Variants in AEN observed in about 807,000 individuals in gnomAD.
The protein encoded by AEN is apoptosis enhancing nuclease, also known as apoptosis-enhancing nuclease.
A neutral mutation model predicts 17.7 loss-of-function variants in AEN; 21 were observed. The ratio of observed to expected loss-of-function variants is 1.19; its 90% CI spans 0.84 to 1.71. The LOEUF (loss-of-function observed/expected upper bound fraction) is 1.71. Among genes scored for constraint, AEN ranks in the 40% most tolerant of loss-of-function variants. AEN has a pLI of 0.00. For missense variants in AEN, 462 were observed against 435.9 expected (o/e 1.06, Z -0.53); for synonymous variants, 190 against 173.0 (o/e 1.10, Z -0.77).
chr15:88,609,417 C>G, the AEN span, among the ~76,000 whole-genome samples: 1 of 152,174 alleles, frequency 6.6e-6, no homozygotes, highest in Non-Finnish European at 1.5e-5. Context: ...TTCATATTCC[C>G]TAGCCCTCTT....
chr15:88,626,463 G>A lies in AEN; in HGVS notation c.254G>A (p.Arg85Lys). The A allele has an allele frequency of 6.2e-7, 1 of 1,613,968 alleles. No individual in the cohort carries two copies. The highest frequency in any genetic ancestry group is 1.1e-5 in the South Asian group (1 of 91,078). ...GCCAGCAGTGGGAAGCAGTGTCTGAGGGCTGGATCTGGCAGTGCCCCATGC... is the reference window on the plus strand; with the variant it reads ...GCCAGCAGTGGGAAGCAGTGTCTGAAGGCTGGATCTGGCAGTGCCCCATGC... ...EAASSGKQCL[R>K]AGSGSAPCSR... is the part of the protein sequence containing the mutation. The change falls in exon 2 of 4, where the codon AGG (arginine) becomes AAG (lysine). Residue 85 changes from arginine (R) to lysine (K), a missense_variant. By Grantham distance (26) the Arg-to-Lys change is conservative. Transcript: ENST00000332810.
chr15:88,617,771 A>G (rs766038305), upstream of AEN, among the ~76,000 whole-genome samples: 2 of 152,146 alleles, frequency 1.3e-5, no homozygotes, highest in Non-Finnish European at 2.9e-5. Flanking sequence ...TAGACCGGAT[A>G]CAGATAGCCC....
chr15:88,624,546 T>C (rs1051820039), intron 1 of AEN, among the ~76,000 whole-genome samples: 1 of 152,212 alleles, frequency 6.6e-6, no homozygotes, highest in Non-Finnish European at 1.5e-5. Context: ...AGGATCATTT[T>C]ACATGCCTGA....
intron 1 of AEN, among the ~76,000 whole-genome samples, chr15:88,625,460 A>G (rs1442974634): frequency 6.6e-6 from 1 of 152,198 alleles, no homozygotes; most frequent in Admixed American, 6.5e-5. Context: ...AGCTGTGATC[A>G]CGCCACTGCA....
At position 88,629,327 on chromosome 15, in the gene AEN, G is replaced by A. The variant is rs3743475; in HGVS notation, c.642G>A (p.Thr214=). The change falls in exon 3 of 4, where the codon ACG becomes ACA. Residue 214 remains threonine (T), a synonymous_variant. Coordinates refer to ENST00000332810, the MANE Select transcript of AEN (RefSeq NM_022767.4). ...ACCCTCGGAGCCAGACCCGGGATAC[G>A]ACCTATGTCCCAAACTTCCTCAGCG... The part of the protein sequence containing the change: ...YVHPRSQTRD[T]TYVPNFLSEP... 3 of 1,613,934 alleles carry A rather than the reference G, an allele frequency of 1.9e-6. No individual in the cohort carries two copies. The highest frequency in any genetic ancestry group is 2.2e-5 in the South Asian group (2 of 91,074).
At chr15:88,616,652 T>G (rs1221795312), upstream of AEN, among the ~76,000 whole-genome samples, 1 of 152,250 alleles carries the variant, frequency 6.6e-6, no homozygotes, top group Admixed American at 6.5e-5. Flanking sequence ...AATGTAAGTA[T>G]AGATGGTCCC....
upstream of AEN, among the ~76,000 whole-genome samples, chr15:88,617,804 T>C (rs1213489628): frequency 6.6e-6 from 1 of 151,578 alleles, no homozygotes; most frequent in African/African-American, 2.4e-5. Flanking sequence ...GCCTCATAAG[T>C]GACTAGCTGA....
chr15:88,607,909 G>A, the AEN span, among the ~76,000 whole-genome samples: 3 of 152,258 alleles, frequency 2.0e-5, no homozygotes, highest in East Asian at 5.8e-4. Flanking sequence ...GACCAGACCA[G>A]ACAGCTGGTC....
upstream of AEN, among the ~76,000 whole-genome samples, chr15:88,620,395 G>C (rs1462754934): frequency 1.3e-5 from 2 of 151,802 alleles, no homozygotes; most frequent in African/African-American, 4.8e-5. Flanking sequence ...ATGTTACACT[G>C]AATTTTCTTT....
intron 1 of AEN, chr15:88,621,840 G>A (rs1226470180): frequency 1.3e-5 from 2 of 152,226 alleles, no homozygotes; most frequent in Non-Finnish European, 2.9e-5. Flanking sequence ...TGGCTTGAGG[G>A]TAGGGGTCGT....
upstream of AEN, among the ~76,000 whole-genome samples, chr15:88,617,787 C>G (rs1393035577): frequency 6.6e-6 from 1 of 152,152 alleles, no homozygotes; most frequent in African/African-American, 2.4e-5. Flanking sequence ...AGCCCCAATT[C>G]CCATTTGCCT....
In AEN at chr15:88,631,333, G is replaced by A; in HGVS notation, c.*1039G>A. ...CCGAACCTGGTCTGATGCCCCCTCA[G>A]CTCTTTGACAATCACTGTGGCTGTT... On this transcript the variant is annotated 3_prime_UTR_variant, in exon 4 of 4. Transcript: ENST00000332810. 1 of 290,140 alleles carries A rather than the reference G, an allele frequency of 3.4e-6. No homozygotes were observed. The highest frequency in any genetic ancestry group is 8.2e-5 in the East Asian group (1 of 12,136). 18.0% of individuals were successfully genotyped at this position (290,140 alleles called of 1,614,324 possible).
chr15:88,611,811 C>T, the AEN span: 1 of 493,784 alleles, frequency 2.0e-6, no homozygotes, highest in Non-Finnish European at 4.1e-6. Context: ...CCTCGAACGC[C>T]TTGCAGAACT....
rs1379259632 is a variant in AEN, at chr15:88,631,183, G to A, written c.*889G>A. 6.6e-6 allele frequency: 3 copies of A among 456,628 alleles called. No homozygotes were observed. The highest frequency in any genetic ancestry group is 7.0e-5 in the East Asian group (1 of 14,388). The allele number at this position is 456,628 out of a possible 1,614,324, so 28.3% of individuals were successfully genotyped here. On this transcript the variant is annotated 3_prime_UTR_variant, in exon 4 of 4. Coordinates refer to ENST00000332810, the MANE Select transcript of AEN (RefSeq NM_022767.4). The stretch of plus-strand genomic sequence containing the variant: ...TTCTGGGGCCTTTGTGTAGGATTGT[G>A]CCTGACCTTTATTTATTTATTAACA...
chr15:88,607,606 C>T, the AEN span, among the ~76,000 whole-genome samples: 1 of 152,190 alleles, frequency 6.6e-6, no homozygotes. Context: ...TATTACTTGA[C>T]AACACGGGGT....
the AEN span, among the ~76,000 whole-genome samples, chr15:88,609,666 A>T: frequency 6.6e-6 from 1 of 152,190 alleles, no homozygotes; most frequent in Non-Finnish European, 1.5e-5. Context: ...TTTTTTCAAA[A>T]TATATTTCTT....
intron 1 of AEN, chr15:88,621,591 G>A (rs944064364): frequency 1.3e-5 from 2 of 152,330 alleles, no homozygotes; most frequent in African/African-American, 2.4e-5. Flanking sequence ...AGGGCCAGAG[G>A]GGGCGGCGCT....
the AEN span, among the ~76,000 whole-genome samples, chr15:88,608,630 C>T: frequency 5.9e-5 from 9 of 152,354 alleles, no homozygotes; most frequent in South Asian, 2.1e-4. Flanking sequence ...TGGATTCACT[C>T]TACTCAGCTC....
At chr15:88,618,423 T>C (rs1022668840), upstream of AEN, among the ~76,000 whole-genome samples, 10 of 152,224 alleles carry the variant, frequency 6.6e-5, no homozygotes, top group African/African-American at 2.4e-4. Context: ...GGGTTAATTT[T>C]TTTTCCTTCT....
Sources: gnomAD v4.1 joint callset for allele counts (sites outside exome capture counted in the v4.1 genomes callset) on GRCh38, gnomAD v4.1.1 for gene constraint, MANE v1.5 for transcripts, NCBI Gene and HGNC (gene_info 2026-07-23, HGNC 2026-07-21) for gene names.